LPP: variants seen among roughly 807,000 people sequenced by gnomAD.
LPP encodes the protein LIM domain containing preferred translocation partner in lipoma.
LPP carries 38 observed loss-of-function variants against 60.4 expected under a neutral mutation model. That is an observed-to-expected ratio of 0.63 (90% CI 0.49 to 0.83). The LOEUF is 0.83. LPP is among the 40% of genes least tolerant of loss of function. The pLI is 0.00. For missense variants in LPP, 902 were observed against 783.6 expected (o/e 1.15, Z -1.80); for synonymous variants, 328 against 290.8 (o/e 1.13, Z -1.30).
chr3:188,403,026 G>A (rs1457073196), intron 3 of LPP, among the ~76,000 whole-genome samples: 2 of 152,126 alleles, frequency 1.3e-5, no homozygotes, highest in African/African-American at 4.8e-5. Flanking sequence ...TGGGAATGGG[G>A]TCACTGGGTC....
chr3:188,318,562 T>G (rs965236588), intron 2 of LPP, among the ~76,000 whole-genome samples: 1 of 152,108 alleles, frequency 6.6e-6, no homozygotes, highest in Non-Finnish European at 1.5e-5. Flanking sequence ...TCATATAATT[T>G]CAGCTTGCCT....
chr3:188,158,777 T>A (rs1490072569), intron 1 of LPP, among the ~76,000 whole-genome samples: 1 of 152,212 alleles, frequency 6.6e-6, no homozygotes, highest in Non-Finnish European at 1.5e-5. Flanking sequence ...TCTGCCTCAT[T>A]CTTATAGCCT....
intron 6 of LPP, 44 bp downstream of exon 6, chr3:188,524,831 A>T (rs1215981870): frequency 1.0e-5 from 16 of 1,577,288 alleles, no homozygotes; most frequent in Non-Finnish European, 1.4e-5. Context: ...ATTCCCAGAT[A>T]TTCTACTCTT....
intron 1 of LPP, among the ~76,000 whole-genome samples, chr3:188,222,117 G>A (rs1343243588): frequency 6.6e-6 from 1 of 152,152 alleles, no homozygotes; most frequent in South Asian, 2.1e-4. Context: ...TTATTAGTGT[G>A]TGTGTTTCAA....
intron 9 of LPP, among the ~76,000 whole-genome samples, chr3:188,847,554 G>T (rs186879012): frequency 6.6e-6 from 1 of 152,164 alleles, no homozygotes; most frequent in Non-Finnish European, 1.5e-5. Context: ...CTGTTGAAAA[G>T]TACTTATAGG....
At chr3:188,246,028 T>G (rs1451360436) in intron 2 of LPP, among the ~76,000 whole-genome samples, 3 of 152,354 alleles carry the variant, frequency 2.0e-5, no homozygotes, top group Admixed American at 2.0e-4. Context: ...TAAAATCGTG[T>G]GAAATGATGT....
Position 188,609,665 on chromosome 3 carries a change from G to C in LPP, c.934G>C (p.Asp312His). 1.2e-6 allele frequency: 2 copies of C among 1,614,122 alleles called. No individual in the cohort carries two copies. Among genetic ancestry groups the C allele is most frequent in the Non-Finnish European group, 1.7e-6 (2 of 1,180,006 alleles). Residue 312 changes from aspartate to histidine, a missense_variant, in exon 7 of 12, where the codon GAC (aspartate) becomes CAC (histidine). Transcript: ENST00000617246. This position sits in a 1 kb window ranked among gnomAD's most constrained non-coding sequence, Gnocchi z 6.9. The stretch of plus-strand genomic sequence containing the variant: ...AGGGCCAGGCTATGGGGGCAGAAAT[G>C]ACTCTGACCCTACCTATGGTCAACA... ...AAGPGYGGRN[D>H]SDPTYGQQGH...
chr3:188,606,484 G>T (rs1842401309), intron 6 of LPP, among the ~76,000 whole-genome samples: 1 of 151,840 alleles, frequency 6.6e-6, no homozygotes, highest in Admixed American at 6.6e-5. Context: ...GTTTTGTTCT[G>T]TTTTTTTGGA....
intron 4 of LPP, among the ~76,000 whole-genome samples, chr3:188,465,503 T>G (rs1162105560): frequency 2.0e-5 from 3 of 152,204 alleles, no homozygotes; most frequent in Non-Finnish European, 2.9e-5. Flanking sequence ...CCATAAAATA[T>G]TCTCACAAAA....
intron 6 of LPP, among the ~76,000 whole-genome samples, chr3:188,588,887 C>A (rs1018373549): frequency 6.6e-6 from 1 of 152,116 alleles, no homozygotes; most frequent in Admixed American, 6.6e-5. Context: ...GAGCCACCCT[C>A]TGCTTGCCAG....
intron 8 of LPP, among the ~76,000 whole-genome samples, chr3:188,723,699 T>C (rs1181853285): frequency 6.6e-6 from 1 of 151,872 alleles, no homozygotes; most frequent in Non-Finnish European, 1.5e-5. Context: ...AGCTTGTGAA[T>C]GTAGCTTAAA....
At chr3:188,813,928 T>G (rs561788902) in intron 9 of LPP, among the ~76,000 whole-genome samples, 1 of 152,000 alleles carries the variant, frequency 6.6e-6, no homozygotes, top group Non-Finnish European at 1.5e-5. Context: ...AAAAATTAGG[T>G]AGGTATGGTG....
At chr3:188,224,743 C>T (rs1216316849) in intron 1 of LPP, among the ~76,000 whole-genome samples, 3 of 152,222 alleles carry the variant, frequency 2.0e-5, no homozygotes, top group Admixed American at 6.5e-5. Flanking sequence ...TTGCCACACA[C>T]TTTTAAATGA....
At chr3:188,452,970 C>T (rs779092461) in intron 4 of LPP, among the ~76,000 whole-genome samples, 1 of 152,144 alleles carries the variant, frequency 6.6e-6, no homozygotes, top group Non-Finnish European at 1.5e-5. Flanking sequence ...GCCCACATGG[C>T]CATACATGAC....
At chr3:188,193,356 C>T (rs565030986) in intron 1 of LPP, among the ~76,000 whole-genome samples, 3 of 152,214 alleles carry the variant, frequency 2.0e-5, no homozygotes, top group South Asian at 4.2e-4. Context: ...CCAGCTCTGT[C>T]GCTGTCTAGA....
At chr3:188,770,919 T>G (rs1577444748) in intron 9 of LPP, among the ~76,000 whole-genome samples, 1 of 152,188 alleles carries the variant, frequency 6.6e-6, no homozygotes, top group African/African-American at 2.4e-5. Context: ...TGTTCTCACA[T>G]CTGACTTTGT....
intron 8 of LPP, among the ~76,000 whole-genome samples, chr3:188,720,770 A>AGG (rs1324793536): frequency 6.6e-6 from 1 of 152,110 alleles, no homozygotes; most frequent in African/African-American, 2.4e-5. Context: ...CTTGGTTCTA[A>AGG]GGTTTGACCA....
At chr3:188,775,378 T>C (rs1156679772) in intron 9 of LPP, among the ~76,000 whole-genome samples, 1 of 152,200 alleles carries the variant, frequency 6.6e-6, no homozygotes, top group Non-Finnish European at 1.5e-5. Context: ...CAGAGGTTTA[T>C]TGAGCACTGT....
chr3:188,874,462 G>C lies in LPP; in HGVS notation c.1822G>C (p.Ala608Pro). 4 of 1,614,132 alleles carry C rather than the reference G, an allele frequency of 2.5e-6. No individual in the cohort carries two copies. The highest frequency in any genetic ancestry group is 3.4e-6 in the Non-Finnish European group (4 of 1,179,986). ...CCGCATCAGGGTGTTGACCGCCAAG[G>C]CGAGCACTGACCTTTAGATTCAGTC... ...SARIRVLTAK[A>P]STDL Residue 608 changes from alanine to proline, a missense_variant, in exon 12 of 12, where the codon GCG becomes CCG. Coordinates refer to ENST00000617246, the MANE Select transcript of LPP (RefSeq NM_001375462.1).
Sources: gnomAD v4.1 joint callset for allele counts (sites outside exome capture counted in the v4.1 genomes callset) on GRCh38, gnomAD v4.1.1 for gene constraint, Gnocchi (gnomAD v3.1) non-coding constraint, MANE v1.5 for transcripts, NCBI Gene and HGNC (gene_info 2026-07-23, HGNC 2026-07-21) for gene names.